C10orf90: variants seen among roughly 807,000 people sequenced by gnomAD.
C10orf90 encodes the protein chromosome 10 open reading frame 90.
Under a neutral mutation model 62.5 loss-of-function variants are expected in C10orf90, and 56 were observed. The ratio of observed to expected loss-of-function variants is 0.90; its 90% CI spans 0.72 to 1.12. The LOEUF is 1.12. Among genes scored for constraint, C10orf90 ranks in the 50% most tolerant of loss-of-function variants. C10orf90 has a pLI of 0.00. For missense variants in C10orf90, 970 were observed against 880.4 expected (o/e 1.10, Z -1.29); for synonymous variants, 386 against 340.4 (o/e 1.13, Z -1.47).
At chr10:126,614,567 G>A (rs1241711822) in intron 2 of C10orf90, among the ~76,000 whole-genome samples, 1 of 152,128 alleles carries the variant, frequency 6.6e-6, no homozygotes, top group Non-Finnish European at 1.5e-5. Context: ...GTGGGCCACT[G>A]GGGATCTAGT....
chr10:126,579,526 C>T (rs1475048664), intron 2 of C10orf90, among the ~76,000 whole-genome samples: 5 of 152,126 alleles, frequency 3.3e-5, no homozygotes, highest in African/African-American at 1.2e-4. Flanking sequence ...AAGGCATGAG[C>T]CACCGCACCC....
At chr10:126,437,903 T>C (rs914627699) in intron 7 of C10orf90, among the ~76,000 whole-genome samples, 1 of 152,226 alleles carries the variant, frequency 6.6e-6, no homozygotes, top group Admixed American at 6.5e-5. Context: ...ATGCAGTTAG[T>C]TCTATGGCAG....
chr10:126,593,788 TG>T (rs1313381455), intron 2 of C10orf90, among the ~76,000 whole-genome samples: 1 of 124,838 alleles, frequency 8.0e-6, no homozygotes, highest in Non-Finnish European at 2.0e-5. Flanking sequence ...AAAAAGTTTT[TG>T]TTGTTGTTGT....
intron 2 of C10orf90, among the ~76,000 whole-genome samples, chr10:126,569,340 C>T (rs116813406): frequency 2.0e-5 from 3 of 152,154 alleles, no homozygotes; most frequent in Non-Finnish European, 4.4e-5. Flanking sequence ...TATTGCAGCA[C>T]AGATCCTTAC....
At chr10:126,513,566 A>C (rs573194064) in intron 3 of C10orf90, among the ~76,000 whole-genome samples, 2 of 152,328 alleles carry the variant, frequency 1.3e-5, no homozygotes, top group East Asian at 3.9e-4. Context: ...AAAATGCTGT[A>C]TGGCATAATT....
chr10:126,534,985 G>C (rs1864194404), intron 2 of C10orf90, among the ~76,000 whole-genome samples: 1 of 152,094 alleles, frequency 6.6e-6, no homozygotes, highest in African/African-American at 2.4e-5. Flanking sequence ...GGTTTGCTCA[G>C]AGCATCTGAG....
intron 2 of C10orf90, among the ~76,000 whole-genome samples, chr10:126,572,231 C>T (rs1486380764): frequency 6.6e-6 from 1 of 152,118 alleles, no homozygotes; most frequent in African/African-American, 2.4e-5. Context: ...ACCAAGATGG[C>T]AATGCGAGTG....
chr10:126,540,584 G>T (rs1864350857), intron 2 of C10orf90, among the ~76,000 whole-genome samples: 1 of 151,908 alleles, frequency 6.6e-6, no homozygotes, highest in South Asian at 2.1e-4. Context: ...ACTTGAGCCT[G>T]GGAGCCAGAC....
At chr10:126,658,833 T>C (rs2133868444) in intron 1 of C10orf90, among the ~76,000 whole-genome samples, 1 of 152,286 alleles carries the variant, frequency 6.6e-6, no homozygotes, top group African/African-American at 2.4e-5. Context: ...GCTCAAATGA[T>C]CCTCCCACCT....
intron 2 of C10orf90, among the ~76,000 whole-genome samples, chr10:126,555,885 G>T (rs937648886): frequency 6.6e-6 from 1 of 152,200 alleles, no homozygotes; most frequent in Non-Finnish European, 1.5e-5. Flanking sequence ...CATAGAAATA[G>T]AGAGAAATGA....
chr10:126,644,108 T>G (rs1846117849), intron 2 of C10orf90, among the ~76,000 whole-genome samples: 1 of 152,236 alleles, frequency 6.6e-6, no homozygotes. Context: ...AGAATCCTGC[T>G]AAGCCAGTTT....
intron 2 of C10orf90, among the ~76,000 whole-genome samples, chr10:126,559,878 C>T (rs745720357): frequency 6.6e-5 from 10 of 152,024 alleles, no homozygotes; most frequent in South Asian, 2.1e-4. Context: ...AAATACTTGC[C>T]GGAAATTCTA....
intron 4 of C10orf90, among the ~76,000 whole-genome samples, chr10:126,500,486 A>G (rs1862313520): frequency 6.6e-6 from 1 of 152,226 alleles, no homozygotes; most frequent in East Asian, 1.9e-4. Flanking sequence ...GACTTCTAGA[A>G]CATATGTTGT....
intron 2 of C10orf90, among the ~76,000 whole-genome samples, chr10:126,589,720 A>G (rs1844942339): frequency 6.6e-6 from 1 of 152,188 alleles, no homozygotes; most frequent in African/African-American, 2.4e-5. Context: ...TAAATATGGA[A>G]AGGAAAAACC....
chr10:126,450,762 C>A (rs1039979252), intron 7 of C10orf90, among the ~76,000 whole-genome samples: 32 of 152,154 alleles, frequency 2.1e-4, no homozygotes, highest in Non-Finnish European at 7.4e-5. Context: ...AGAGGAAAAG[C>A]TCTGTGGCAT....
chr10:126,467,093 T>C lies in C10orf90; in HGVS notation c.1535-2107A>G, dbSNP rs79117631. Among the ~76,000 whole-genome samples, 499 of 152,354 alleles carry C rather than the reference T, an allele frequency of 3.3e-3. 6 individuals are homozygous for C. In the East Asian group the frequency reaches 0.048, roughly 15 times the overall value. On this transcript the variant is annotated intron_variant, in intron 4 of 9. Coordinates refer to ENST00000488181, the MANE Select transcript of C10orf90 (RefSeq NM_001350921.2). Reference sequence around the variant, plus strand: ...TTTTTTAAATTAATGTATTTATTTATAGATTTACAGAGATCAGCTGGCCAA... The same window carrying C: ...TTTTTTAAATTAATGTATTTATTTACAGATTTACAGAGATCAGCTGGCCAA...
At chr10:126,475,997 C>T (rs1414630384) in intron 4 of C10orf90, among the ~76,000 whole-genome samples, 2 of 152,158 alleles carry the variant, frequency 1.3e-5, no homozygotes, top group Admixed American at 6.5e-5. Context: ...TTACCTCGCA[C>T]AAAATACCTC....
At chr10:126,435,595 T>C (rs1445785671) in intron 7 of C10orf90, among the ~76,000 whole-genome samples, 1 of 152,162 alleles carries the variant, frequency 6.6e-6, no homozygotes, top group East Asian at 1.9e-4. Context: ...TGATACAATA[T>C]GGCAGATGAG....
chr10:126,543,050 C>G (rs1864413800), intron 2 of C10orf90, among the ~76,000 whole-genome samples: 1 of 152,190 alleles, frequency 6.6e-6, no homozygotes, highest in African/African-American at 2.4e-5. Context: ...GAATTGGTCT[C>G]TAATTTCCCT....
Sources: allele counts gnomAD v4.1 joint callset (sites outside exome capture counted in the v4.1 genomes callset), GRCh38; gene constraint gnomAD v4.1.1; transcripts MANE v1.5; gene names NCBI Gene and HGNC (gene_info 2026-07-23, HGNC 2026-07-21).